The following ARMC9 variants were observed in gnomAD, a reference collection of about 807,000 sequenced individuals.
The protein encoded by ARMC9 is armadillo repeat containing 9.
ARMC9 carries 94 observed loss-of-function variants against 107.0 expected under a neutral mutation model. The observed-to-expected ratio is 0.88, with a 90% confidence interval of 0.74 to 1.04. The LOEUF is 1.04. Among genes scored for constraint, ARMC9 ranks in the 50% least tolerant of loss-of-function variants. The pLI, the probability that ARMC9 is intolerant of heterozygous loss-of-function variation, is 0.00. For missense variants in ARMC9, 942 were observed against 1,030.1 expected, an observed-to-expected ratio of 0.91 and a Z score of 1.17; for synonymous variants, 380 against 396.9, an observed-to-expected ratio of 0.96 and a Z score of 0.51.
At position 231,358,110 on chromosome 2, in the gene ARMC9, C is replaced by G. The variant is rs2045414676; in HGVS notation, c.2131+2176C>G. Among the ~76,000 whole-genome samples, 1 of 152,176 alleles carries G rather than the reference C, an allele frequency of 6.6e-6. No homozygotes were observed. On this transcript the variant is annotated intron_variant, in intron 22 of 24. Transcript: ENST00000611582. This position sits in a 1 kb window ranked among gnomAD's most constrained non-coding sequence, Gnocchi z 4.5. The stretch of plus-strand genomic sequence containing the variant: ...GCCTAAGGGATGGATGGCAAACAGC[C>G]CTCTGCTTCTGTGCTCCATCTGGGC...
intron 7 of ARMC9, among the ~76,000 whole-genome samples, chr2:231,231,830 A>T (rs1160405497): frequency 6.6e-6 from 1 of 151,862 alleles, no homozygotes; most frequent in African/African-American, 2.4e-5. Context: ...CTGGGATTAC[A>T]AGAGTGCGCC....
In ARMC9 at chr2:231,375,832, G is replaced by A. The variant is rs770180065; in HGVS notation, c.*4297G>A. On this transcript the variant is annotated 3_prime_UTR_variant, in exon 25 of 25. Transcript: ENST00000611582. The surrounding 1 kb of genome is among the most constrained non-coding windows in gnomAD (Gnocchi z 4.3). ...GGGGACTAGAGAAATAGGAAACTGG[G>A]GACAGAACCCGGGGGTGAGAAAGAA... Among the ~76,000 whole-genome samples the A allele has an allele frequency of 5.3e-5, 8 of 152,140 alleles. No homozygotes were observed. The highest frequency in any genetic ancestry group is 1.0e-4 in the Non-Finnish European group (7 of 68,034).
intron 19 of ARMC9, among the ~76,000 whole-genome samples, chr2:231,321,770 G>A (rs1038856824): frequency 1.3e-5 from 2 of 152,114 alleles, no homozygotes; most frequent in African/African-American, 2.4e-5. Context: ...CATGTGAAGC[G>A]CGGTGTCTGT....
At chr2:231,219,307 T>C (rs2033868861) in intron 5 of ARMC9, among the ~76,000 whole-genome samples, 1 of 152,170 alleles carries the variant, frequency 6.6e-6, no homozygotes, top group South Asian at 2.1e-4. Flanking sequence ...GGGATAGTCG[T>C]CTCCTCTTAT....
chr2:231,345,210 C>A, intron 21 of ARMC9, 120 bp downstream of exon 21: 1 of 1,490,976 alleles, frequency 6.7e-7, no homozygotes, highest in Non-Finnish European at 8.9e-7. Flanking sequence ...GCATTTATCT[C>A]TTTATTTTTG....
chr2:231,363,647 G>A (rs1179467065), intron 23 of ARMC9, among the ~76,000 whole-genome samples: 1 of 152,118 alleles, frequency 6.6e-6, no homozygotes, highest in Non-Finnish European at 1.5e-5. Context: ...AGCACTTTGG[G>A]AGGCCAAGGC....
At chr2:231,264,388 A>G (rs1461283148) in intron 12 of ARMC9, among the ~76,000 whole-genome samples, 2 of 151,964 alleles carry the variant, frequency 1.3e-5, no homozygotes, top group African/African-American at 4.8e-5. Flanking sequence ...TGTGTTGGCC[A>G]GGCTAGTCTC....
intron 12 of ARMC9, among the ~76,000 whole-genome samples, chr2:231,270,288 A>G (rs2039215063): frequency 6.6e-6 from 1 of 152,190 alleles, no homozygotes; most frequent in South Asian, 2.1e-4. Flanking sequence ...TCCCAGATCC[A>G]CAGACCCTTT....
rs1327633986 is a variant in ARMC9, at chr2:231,354,002, C to T, written c.1995-1796C>T. 1.2e-3 allele frequency among the ~76,000 whole-genome samples: 176 copies of T among 143,800 alleles called. 2 individuals are homozygous for T. The highest frequency in any genetic ancestry group is 4.7e-3 in the African/African-American group (170 of 36,256). The allele number at this position is 143,800 out of a possible 152,430, so 94.3% of individuals were successfully genotyped here. A position where few individuals can be genotyped will look rare whatever the true frequency, so the allele number is the denominator to read the frequency against. Reference sequence around the variant, plus strand: ...ATATACACACACACACACACACACACACACACACACACACCATATATAGAT... The same window carrying T: ...ATATACACACACACACACACACACATACACACACACACACCATATATAGAT... On this transcript the variant is annotated intron_variant, in intron 21 of 24. Coordinates refer to ENST00000611582, the MANE Select transcript of ARMC9 (RefSeq NM_001352754.2).
At chr2:231,277,597 A>C (rs2039873191) in intron 15 of ARMC9, among the ~76,000 whole-genome samples, 2 of 144,644 alleles carry the variant, frequency 1.4e-5, no homozygotes, top group African/African-American at 2.6e-5. Flanking sequence ...GTCACGCTCC[A>C]TTGCCCAGGC....
chr2:231,226,935 C>T (rs1298096097), intron 7 of ARMC9, 137 bp downstream of exon 7: 1 of 999,742 alleles, frequency 1.0e-6, no homozygotes, highest in Non-Finnish European at 1.5e-6. Context: ...GCTTTGCAGT[C>T]ATAGTGACCT....
At chr2:231,332,873 G>A (rs2043835928) in intron 20 of ARMC9, among the ~76,000 whole-genome samples, 3 of 152,190 alleles carry the variant, frequency 2.0e-5, no homozygotes, top group Non-Finnish European at 2.9e-5. Flanking sequence ...GCTTCAGTCA[G>A]TTGTTTGGAC....
chr2:231,327,103 T>C (rs1287701003), intron 19 of ARMC9, among the ~76,000 whole-genome samples: 1 of 152,292 alleles, frequency 6.6e-6, no homozygotes, highest in East Asian at 1.9e-4. Context: ...TTGCTCTTTG[T>C]AATTTAACCT....
In ARMC9 at chr2:231,199,855, G is replaced by A. The variant is rs1484096813; in HGVS notation, c.-42+1157G>A. ...GGATTACAGGTGCAGACGCCACCAC[G>A]CCCGGCTAATTTTTGTATTTTTAGT... On this transcript the variant is annotated intron_variant, in intron 1 of 24. Transcript: ENST00000611582. 2.0e-5 allele frequency among the ~76,000 whole-genome samples: 3 copies of A among 151,958 alleles called. No homozygotes were observed. The East Asian group carries it at 5.8e-4, about 29-fold the overall frequency.
chr2:231,221,527 T>A (rs192734638), intron 5 of ARMC9, among the ~76,000 whole-genome samples: 129 of 152,076 alleles, frequency 8.5e-4, no homozygotes, highest in Middle Eastern at 3.4e-3. Flanking sequence ...CACAATTTTT[T>A]AAAAATATAA....
intron 20 of ARMC9, among the ~76,000 whole-genome samples, chr2:231,338,383 C>T (rs1002755562): frequency 2.0e-5 from 3 of 151,960 alleles, no homozygotes; most frequent in Admixed American, 6.6e-5. Flanking sequence ...TGTGCCACTA[C>T]GCCTGGCTAA....
chr2:231,253,283 T>C (rs991753282), intron 9 of ARMC9, among the ~76,000 whole-genome samples: 2 of 152,062 alleles, frequency 1.3e-5, no homozygotes, highest in African/African-American at 2.4e-5. Flanking sequence ...CCAGCTAATT[T>C]TTTGTATTTT....
intron 19 of ARMC9, among the ~76,000 whole-genome samples, chr2:231,323,637 C>T (rs1017268286): frequency 1.2e-4 from 18 of 152,172 alleles, no homozygotes; most frequent in Non-Finnish European, 2.6e-4. Flanking sequence ...TTTATATCTA[C>T]ACAGTATCAT....
At chr2:231,334,431 A>G (rs2043948550) in intron 20 of ARMC9, among the ~76,000 whole-genome samples, 1 of 152,094 alleles carries the variant, frequency 6.6e-6, no homozygotes, top group Admixed American at 6.5e-5. Context: ...CTGCCTTCAC[A>G]TGGCCTTCCC....
Sources: allele counts gnomAD v4.1 joint callset (sites outside exome capture counted in the v4.1 genomes callset), GRCh38; gene constraint gnomAD v4.1.1; non-coding constraint Gnocchi (gnomAD v3.1); transcripts MANE v1.5; gene names NCBI Gene and HGNC (gene_info 2026-07-23, HGNC 2026-07-21).